The following NRP1 variants were observed in gnomAD, a reference collection of about 807,000 sequenced individuals.
NRP1 encodes the protein neuropilin-1.
Under a neutral mutation model 106.7 loss-of-function variants are expected in NRP1, and 35 were observed. The ratio of observed to expected loss-of-function variants is 0.33; its 90% confidence interval spans 0.25 to 0.43. NRP1 has a LOEUF of 0.43. Ranked by LOEUF, NRP1 falls within the 20% of genes least tolerant of loss-of-function variation. The pLI is 1.00. For missense variants in NRP1, 1,024 were observed against 1,170.4 expected, an observed-to-expected ratio of 0.87 and a Z score of 1.83; for synonymous variants, 437 against 417.9, an observed-to-expected ratio of 1.05 and a Z score of -0.56.
intron 2 of NRP1, among the ~76,000 whole-genome samples, chr10:33,283,722 G>A: frequency 6.6e-6 from 1 of 152,202 alleles, no homozygotes; most frequent in East Asian, 1.9e-4. Flanking sequence ...GAGAAGAAAG[G>A]ATTGTAATGA....
At chr10:33,269,106 A>G (rs1843117827) in intron 3 of NRP1, among the ~76,000 whole-genome samples, 1 of 152,130 alleles carries the variant, frequency 6.6e-6, no homozygotes, top group African/African-American at 2.4e-5. Context: ...CTGTATTCCA[A>G]GACAATACAT....
At chr10:33,199,381 ATATATATATTTTTTTTTTTTTT>A (rs1837069713) in intron 11 of NRP1, among the ~76,000 whole-genome samples, 2 of 58,296 alleles carry the variant, frequency 3.4e-5, no homozygotes, top group African/African-American at 1.4e-4. Flanking sequence ...ATATATATAT[ATATATATATTTTTTTTTTTTTT>A]TTTTTTTTTT....
intron 2 of NRP1, among the ~76,000 whole-genome samples, chr10:33,315,705 G>C (rs1290303515): frequency 9.3e-6 from 1 of 107,852 alleles, no homozygotes; most frequent in African/African-American, 2.5e-5. Context: ...TCTGAGAAGT[G>C]TCAGAGGACG....
intron 6 of NRP1, among the ~76,000 whole-genome samples, chr10:33,247,069 A>C (rs1038587459): frequency 1.3e-5 from 2 of 152,234 alleles, no homozygotes; most frequent in African/African-American, 4.8e-5. Flanking sequence ...ATTGTATATG[A>C]AACTTGTTAA....
intron 2 of NRP1, among the ~76,000 whole-genome samples, chr10:33,276,531 G>A (rs1345721021): frequency 2.0e-5 from 3 of 152,288 alleles, no homozygotes; most frequent in South Asian, 2.1e-4. Context: ...GGTAGCAGGC[G>A]ATATCCTAGA....
At chr10:33,226,058 C>T in intron 7 of NRP1, 76 bp downstream of exon 7, 1 of 1,494,760 alleles carries the variant, frequency 6.7e-7, no homozygotes, top group South Asian at 1.2e-5. Context: ...AGACAGAAAG[C>T]TACCAAACAA....
chr10:33,278,090 A>G (rs1046626704), intron 2 of NRP1, among the ~76,000 whole-genome samples: 1 of 152,172 alleles, frequency 6.6e-6, no homozygotes, highest in African/African-American at 2.4e-5. Context: ...GTGTTTATGC[A>G]TATTTGCATC....
chr10:33,308,348 C>T (rs2132759411), intron 2 of NRP1, among the ~76,000 whole-genome samples: 1 of 150,234 alleles, frequency 6.7e-6, no homozygotes, highest in East Asian at 2.0e-4. Context: ...TGTACACGTA[C>T]AGGTTTATAT....
At chr10:33,260,384 G>A (rs969830942) in intron 4 of NRP1, among the ~76,000 whole-genome samples, 19 of 152,038 alleles carry the variant, frequency 1.2e-4, no homozygotes, top group African/African-American at 3.6e-4. Flanking sequence ...TTAATTAAAT[G>A]TAAAAGTAAA....
chr10:33,203,045 C>T (rs776021002), intron 10 of NRP1, 50 bp from the exon 11 acceptor site: 1 of 1,551,634 alleles, frequency 6.4e-7, no homozygotes, highest in Non-Finnish European at 8.7e-7. Context: ...AATGTATTCT[C>T]AAGCCTCTGG....
intron 2 of NRP1, among the ~76,000 whole-genome samples, chr10:33,281,046 C>G (rs950648607): frequency 7.9e-6 from 1 of 126,038 alleles, no homozygotes; most frequent in Admixed American, 8.1e-5. Flanking sequence ...CTCCCTGCAG[C>G]CTTCCAAATT....
At chr10:33,298,077 C>T (rs2132678459) in intron 2 of NRP1, among the ~76,000 whole-genome samples, 1 of 152,266 alleles carries the variant, frequency 6.6e-6, no homozygotes, top group African/African-American at 2.4e-5. Context: ...TTGTATGGAG[C>T]CAAGCAAGTT....
chr10:33,304,566 C>G (rs139339127), intron 2 of NRP1, among the ~76,000 whole-genome samples: 1 of 152,286 alleles, frequency 6.6e-6, no homozygotes, highest in East Asian at 1.9e-4. Flanking sequence ...TGATGATGGT[C>G]CCCTAGCAGC....
At chr10:33,313,919 AGTTT>A (rs1846803066) in intron 2 of NRP1, among the ~76,000 whole-genome samples, 1 of 152,036 alleles carries the variant, frequency 6.6e-6, no homozygotes, top group Non-Finnish European at 1.5e-5. Flanking sequence ...AACGTTTATT[AGTTT>A]ATTACGTAAG....
intron 2 of NRP1, among the ~76,000 whole-genome samples, chr10:33,315,194 TC>T (rs1428683096): frequency 6.6e-6 from 1 of 152,250 alleles, no homozygotes; most frequent in Non-Finnish European, 1.5e-5. Flanking sequence ...CCAAGCACTA[TC>T]TCTGCAGATT....
At chr10:33,217,425 C>CTA (rs1838868891) in intron 8 of NRP1, among the ~76,000 whole-genome samples, 3 of 151,408 alleles carry the variant, frequency 2.0e-5, no homozygotes, top group Non-Finnish European at 2.9e-5. Context: ...TGACTGAAAA[C>CTA]TATGTGACTC....
At chr10:33,187,433 A>G (rs2132603397) in intron 13 of NRP1, among the ~76,000 whole-genome samples, 1 of 152,176 alleles carries the variant, frequency 6.6e-6, no homozygotes, top group East Asian at 1.9e-4. Flanking sequence ...CGAATTCCTT[A>G]AACACACCTG....
rs879793506 is a variant in NRP1 at position 33,187,040 on chromosome 10, ATTTTTT to A, written c.2063-558_2063-553del. Among the ~76,000 whole-genome samples, 4 of 148,416 alleles carry A rather than the reference ATTTTTT, an allele frequency of 2.7e-5. No homozygotes were observed. The Admixed American group carries it at 2.7e-4, about 10-fold the overall frequency. On this transcript the variant is annotated intron_variant, in intron 13 of 16. Transcript: ENST00000374867. ...GCTCAGCTAGTTCTTAAAAAGATTA[ATTTTTT>A]TTTTTAAGTAGAGATAGAATCTTGC...
chr10:33,315,964 A>G (rs2132832691), intron 2 of NRP1, among the ~76,000 whole-genome samples: 1 of 152,358 alleles, frequency 6.6e-6, no homozygotes, highest in East Asian at 1.9e-4. Context: ...TAAGGGAGCC[A>G]CAGGGGATAA....
Sources: allele counts gnomAD v4.1 joint callset (sites outside exome capture counted in the v4.1 genomes callset), GRCh38; gene constraint gnomAD v4.1.1; transcripts MANE v1.5; gene names NCBI Gene and HGNC (gene_info 2026-07-23, HGNC 2026-07-21).